Variants in GSE1 observed in about 807,000 individuals in gnomAD.
GSE1 encodes Gse1 coiled-coil protein.
GSE1 carries 32 observed loss-of-function variants against 112.6 expected under a neutral mutation model. That is an observed-to-expected ratio of 0.28 (90% CI 0.21 to 0.38). The LOEUF (loss-of-function observed/expected upper bound fraction) is 0.38, where lower values mean the gene tolerates loss of function less well. Ranked by LOEUF, GSE1 falls within the 10% of genes least tolerant of loss-of-function variation. The pLI is 1.00. For missense variants in GSE1, 2,348 were observed against 1,699.2 expected (o/e 1.38, Z -6.71); for synonymous variants, 1,115 against 735.6 (o/e 1.52, Z -8.35).
chr16:85,312,522 G>T (rs181147506), intron 1 of GSE1, among the ~76,000 whole-genome samples: 1 of 152,178 alleles, frequency 6.6e-6, no homozygotes, highest in African/African-American at 2.4e-5. Context: ...TTGTAAGGAC[G>T]CTAGTTAGTG....
intron 2 of GSE1, among the ~76,000 whole-genome samples, chr16:85,392,530 C>T (rs1236541412): frequency 6.6e-6 from 1 of 152,096 alleles, no homozygotes; most frequent in African/African-American, 2.4e-5. Flanking sequence ...TATTCTAAAG[C>T]CCATCAAACT....
At chr16:85,453,497 C>T (rs2049742401) in intron 2 of GSE1, among the ~76,000 whole-genome samples, 2 of 152,030 alleles carry the variant, frequency 1.3e-5, no homozygotes, top group Admixed American at 1.3e-4. Flanking sequence ...TGTGAGGGCA[C>T]CTCTTTCATC....
At chr16:85,176,584 G>A (rs2074470131) in intron 1 of GSE1, among the ~76,000 whole-genome samples, 1 of 152,270 alleles carries the variant, frequency 6.6e-6, no homozygotes, top group Admixed American at 6.5e-5. Context: ...CTCCCTGCAA[G>A]CCAGTTGGCG....
rs59301744 is a variant in GSE1, at chr16:85,506,803, A to G, written c.2465-127111A>G. Among the ~76,000 whole-genome samples, 1,484 of 152,220 alleles carry G rather than the reference A, an allele frequency of 9.7e-3. 31 individuals are homozygous for G. The highest frequency in any genetic ancestry group is 0.034 in the African/African-American group (1,416 of 41,504). On this transcript the variant is annotated intron_variant, in intron 2 of 2. Coordinates refer to the GSE1 transcript ENST00000637419. ...TGAGCTCCTGCTACTTGCTGGGGGA[A>G]GTGATCATAGCAGACGAAGCCTTTG...
chr16:85,408,804 T>A (rs1412872770), intron 2 of GSE1, among the ~76,000 whole-genome samples: 1 of 64,308 alleles, frequency 1.6e-5, no homozygotes, highest in African/African-American at 7.3e-5. Context: ...TCCTCACCGT[T>A]GCACTCAGGG....
rs2053496541 is a variant in GSE1, at chr16:85,673,429, TTGTTTTTCCTGTTTGGGGGTTTTG to T, written c.*892_*915del. Reference sequence around the variant, plus strand: ...AATATGTGGTTTGGGGGATTTTTGTTTGTTTTTCCTGTTTGGGGGTTTTGTTTGTTGTTTTGGTTTTTTTTGGGC... The same window carrying T: ...AATATGTGGTTTGGGGGATTTTTGTTTTTGTTGTTTTGGTTTTTTTTGGGC... On this transcript the variant is annotated 3_prime_UTR_variant, in exon 16 of 16. Transcript: ENST00000253458. 1 of 152,434 alleles carries T rather than the reference TTGTTTTTCCTGTTTGGGGGTTTTG, an allele frequency of 6.6e-6. No homozygotes were observed. Among genetic ancestry groups the T allele is most frequent in the Middle Eastern group, 3.2e-3 (1 of 316 alleles). 9.4% of individuals were successfully genotyped at this position (152,434 alleles called of 1,614,324 possible).
intron 2 of GSE1, among the ~76,000 whole-genome samples, chr16:85,485,952 C>T (rs746530415): frequency 6.6e-6 from 1 of 152,240 alleles, no homozygotes; most frequent in Non-Finnish European, 1.5e-5. Flanking sequence ...TGAGCCTGCA[C>T]TGGCCGCTGC....
At chr16:85,631,866 C>T (rs1418514636) in intron 1 of GSE1, among the ~76,000 whole-genome samples, 1 of 152,282 alleles carries the variant, frequency 6.6e-6, no homozygotes, top group Non-Finnish European at 1.5e-5. Flanking sequence ...TTTTCATCGC[C>T]TCCAATGGAC....
At chr16:85,411,109 A>AG (rs200960990) in intron 2 of GSE1, among the ~76,000 whole-genome samples, 7 of 86,108 alleles carry the variant, frequency 8.1e-5, no homozygotes, top group African/African-American at 3.1e-4. Context: ...TGTTACACTC[A>AG]GGCCCCCCGG....
In GSE1 at chr16:85,674,813, T is replaced by A. The variant is rs1296258377; in HGVS notation, c.*2274T>A. 6.6e-6 allele frequency: 1 copy of A among 152,656 alleles called. No individual in the cohort carries two copies. The highest frequency in any genetic ancestry group is 1.5e-5 in the Non-Finnish European group (1 of 68,038). The allele number at this position is 152,656 out of a possible 1,614,324, so 9.5% of individuals were successfully genotyped here. On this transcript the variant is annotated 3_prime_UTR_variant, in exon 16 of 16. Coordinates refer to ENST00000253458, the MANE Select transcript of GSE1 (RefSeq NM_014615.5). ...CACTGTGCTAGCAATAGTTGGCTTCTCCCCTGTCAGTGGAAACCCCACTTC... is the reference window on the plus strand; with the variant it reads ...CACTGTGCTAGCAATAGTTGGCTTCACCCCTGTCAGTGGAAACCCCACTTC...
intron 1 of GSE1, among the ~76,000 whole-genome samples, chr16:85,630,945 G>A (rs1354115788): frequency 6.6e-6 from 1 of 152,202 alleles, no homozygotes; most frequent in Non-Finnish European, 1.5e-5. Flanking sequence ...TGGGCTCATT[G>A]TGAGGCTGTC....
At chr16:85,460,283 T>G (rs1300074439) in intron 2 of GSE1, among the ~76,000 whole-genome samples, 1 of 152,116 alleles carries the variant, frequency 6.6e-6, no homozygotes, top group Non-Finnish European at 1.5e-5. Flanking sequence ...CGGGGGGCTT[T>G]GAGACACACT....
chr16:85,203,063 G>A (rs1246775951), intron 1 of GSE1, among the ~76,000 whole-genome samples: 8 of 151,150 alleles, frequency 5.3e-5, no homozygotes, highest in Admixed American at 2.0e-4. Flanking sequence ...AGCTGGCCTC[G>A]GCGGTGGCAG....
intron 2 of GSE1, among the ~76,000 whole-genome samples, chr16:85,478,491 C>A (rs1362042093): frequency 1.4e-5 from 2 of 146,810 alleles, no homozygotes; most frequent in African/African-American, 5.1e-5. Context: ...CGTGCCATTG[C>A]ACTGCAGCCT....
At chr16:85,453,419 G>C (rs1385037) in intron 2 of GSE1, among the ~76,000 whole-genome samples, 3,627 of 152,288 alleles carry the variant, frequency 0.024, 141 homozygotes, top group African/African-American at 0.083. Flanking sequence ...GTGGCTGGAC[G>C]TAGGAAGCAA....
chr16:85,632,723 G>A (rs1183821398), intron 1 of GSE1, among the ~76,000 whole-genome samples: 1 of 152,150 alleles, frequency 6.6e-6, no homozygotes, highest in East Asian at 1.9e-4. Context: ...CCCCTCTTGT[G>A]TGTTGCCCCC....
intron 1 of GSE1, among the ~76,000 whole-genome samples, chr16:85,289,485 G>A (rs925392156): frequency 1.3e-5 from 2 of 152,186 alleles, no homozygotes; most frequent in African/African-American, 4.8e-5. Flanking sequence ...TGAACCCTCT[G>A]GGAGCCTTGT....
rs1267271384 is a variant in GSE1 at position 85,675,198 on chromosome 16, C to A, written c.*2659C>A. On this transcript the variant is annotated 3_prime_UTR_variant, in exon 16 of 16. Coordinates refer to ENST00000253458, the MANE Select transcript of GSE1 (RefSeq NM_014615.5). ...CTACTTCACACTGAGTACCTCAAAT[C>A]TGCTCTGGAGTCGATTATGCCACCT... 1 of 152,200 alleles carries A rather than the reference C, an allele frequency of 6.6e-6. No individual in the cohort carries two copies. Among genetic ancestry groups the A allele is most frequent in the Non-Finnish European group, 1.5e-5 (1 of 68,032 alleles). The allele number at this position is 152,200 out of a possible 1,614,324, so 9.4% of individuals were successfully genotyped here. A position where few individuals can be genotyped will look rare whatever the true frequency, so the allele number is the denominator to read the frequency against.
At chr16:85,182,320 G>C (rs2074604699) in intron 1 of GSE1, among the ~76,000 whole-genome samples, 1 of 152,230 alleles carries the variant, frequency 6.6e-6, no homozygotes, top group Admixed American at 6.5e-5. Flanking sequence ...CAGCCCTGTT[G>C]TCCAAGAAAC....
Sources: allele counts gnomAD v4.1 joint callset (sites outside exome capture counted in the v4.1 genomes callset), GRCh38; gene constraint gnomAD v4.1.1; transcripts MANE v1.5; gene names NCBI Gene and HGNC (gene_info 2026-07-23, HGNC 2026-07-21).